Variants in FGF13 observed in about 807,000 individuals in gnomAD.
The protein encoded by FGF13 is fibroblast growth factor homologous factor 2.
In FGF13, 2 loss-of-function variants were observed where a neutral mutation model predicts 19.5. The observed-to-expected ratio is 0.10, with a 90% CI of 0.04 to 0.32. The LOEUF is 0.32. Among genes scored for constraint, FGF13 ranks in the 10% least tolerant of loss-of-function variants. The probability of loss-of-function intolerance (pLI) is 1.00; values close to 1 mark genes in which losing one functional copy is unlikely to be tolerated. For missense variants in FGF13, 113 were observed against 192.7 expected, an observed-to-expected ratio of 0.59 and a Z score of 2.45; for synonymous variants, 72 against 76.9, an observed-to-expected ratio of 0.94 and a Z score of 0.33.
intron 1 of FGF13, among the ~76,000 whole-genome samples, chrX:139,178,458 T>C (rs2084210882): frequency 8.9e-6 from 1 of 112,104 alleles, no homozygotes; most frequent in Non-Finnish European, 1.9e-5. Context: ...TCAGAGAAAA[T>C]GCTGCCAAGT....
rs1165895699 is a variant in FGF13 at position 138,620,944 on chromosome X, T to G, written c.*11906A>C. On this transcript the variant is annotated 3_prime_UTR_variant, in exon 5 of 5. Transcript: ENST00000315930. The stretch of plus-strand genomic sequence containing the variant: ...TTCATCAACAAGATGCAATTTTGAA[T>G]ATATACACACCCAACATTGGATCAC... 1.8e-5 allele frequency: 2 copies of G among 111,954 alleles called. No individual in the cohort carries two copies. The highest frequency in any genetic ancestry group is 3.8e-5 in the Non-Finnish European group (2 of 53,154). The allele number at this position is 111,954 out of a possible 1,213,427, so 9.2% of individuals were successfully genotyped here. A position where few individuals can be genotyped will look rare whatever the true frequency, so the allele number is the denominator to read the frequency against.
At chrX:138,793,166 C>A (rs900534651) in intron 3 of FGF13, among the ~76,000 whole-genome samples, 1 of 111,273 alleles carries the variant, frequency 9.0e-6, no homozygotes, top group African/African-American at 3.3e-5. Context: ...GAAACGAATT[C>A]TCCTCTAGAC....
intron 3 of FGF13, among the ~76,000 whole-genome samples, chrX:138,700,767 T>C (rs1003590967): frequency 5.4e-5 from 6 of 112,028 alleles, no homozygotes; most frequent in South Asian, 7.4e-4. Context: ...TTTTCTCTAA[T>C]AGAAACACTT....
intron 1 of FGF13, among the ~76,000 whole-genome samples, chrX:138,965,039 T>C (rs1025842965): frequency 8.9e-6 from 1 of 112,163 alleles, no homozygotes; most frequent in Non-Finnish European, 1.9e-5. Flanking sequence ...GCCAGCCAGC[T>C]GTTCCATACA....
chrX:138,632,904 A>G lies in FGF13; in HGVS notation c.684T>C (p.Ser228=), dbSNP rs1282353501. ...TGCCTCCGTTCAGCACGCCAGAGAC[A>G]CTTCTGCTCTTGGTTGGGGTCCCGC... ...SGSGTPTKSR[S]VSGVLNGGKS... Residue 228 remains serine, a synonymous_variant, in exon 5 of 5, where the codon AGT becomes AGC. Coordinates refer to ENST00000315930, the MANE Select transcript of FGF13 (RefSeq NM_004114.5). 23 of 1,210,461 alleles carry G rather than the reference A, an allele frequency of 1.9e-5. No individual in the cohort carries two copies. Among genetic ancestry groups the G allele is most frequent in the Non-Finnish European group, 2.6e-5 (23 of 894,961 alleles).
At chrX:138,982,903 T>C (rs913292647) in intron 1 of FGF13, among the ~76,000 whole-genome samples, 5 of 112,537 alleles carry the variant, frequency 4.4e-5, no homozygotes, top group Non-Finnish European at 3.8e-5. Context: ...TGGCCATTCG[T>C]ATGTCTTTTT....
intron 1 of FGF13, among the ~76,000 whole-genome samples, chrX:139,186,269 G>C (rs2084282827): frequency 8.9e-6 from 1 of 111,781 alleles, no homozygotes; most frequent in Non-Finnish European, 1.9e-5. Context: ...GTAAGTGCTA[G>C]AGATGGGACT....
At chrX:139,115,324 G>A (rs1569454578) in intron 1 of FGF13, among the ~76,000 whole-genome samples, 1 of 112,033 alleles carries the variant, frequency 8.9e-6, no homozygotes. Flanking sequence ...CTACATATCT[G>A]GCTAACAGAT....
intron 1 of FGF13, among the ~76,000 whole-genome samples, chrX:139,177,309 G>A (rs2084196227): frequency 1.1e-5 from 1 of 88,877 alleles, no homozygotes; most frequent in Non-Finnish European, 2.1e-5. Flanking sequence ...TTGAGCCTCT[G>A]TGTGTCTTTG....
At chrX:138,855,229 T>A (rs1359227749), downstream of FGF13, among the ~76,000 whole-genome samples, 1 of 111,548 alleles carries the variant, frequency 9.0e-6, no homozygotes, top group African/African-American at 3.3e-5. Context: ...GTTAAGTTCT[T>A]GGCAATGTTT....
downstream of FGF13, among the ~76,000 whole-genome samples, chrX:138,854,376 G>A (rs1306799616): frequency 9.0e-6 from 1 of 111,724 alleles, no homozygotes; most frequent in African/African-American, 3.2e-5. Context: ...AAGCCAGTGA[G>A]ATATTTCAGT....
intron 1 of FGF13, among the ~76,000 whole-genome samples, chrX:138,962,986 A>C (rs1451931306): frequency 9.0e-6 from 1 of 111,432 alleles, no homozygotes; most frequent in Non-Finnish European, 1.9e-5. Context: ...CAAGAACTTA[A>C]AGTATAATAA....
intron 3 of FGF13, among the ~76,000 whole-genome samples, chrX:138,654,311 T>C (rs1274359517): frequency 8.9e-6 from 1 of 112,478 alleles, no homozygotes; most frequent in Non-Finnish European, 1.9e-5. Context: ...ATAAAACAAT[T>C]ACTTCGTGCC....
At chrX:138,935,884 T>G (rs1267720043) in intron 1 of FGF13, among the ~76,000 whole-genome samples, 1 of 112,579 alleles carries the variant, frequency 8.9e-6, no homozygotes, top group Non-Finnish European at 1.9e-5. Context: ...GTATGTGTTT[T>G]ATTTTGATGT....
intron 1 of FGF13, among the ~76,000 whole-genome samples, chrX:138,912,720 C>T (rs1206314486): frequency 2.7e-5 from 3 of 111,680 alleles, no homozygotes; most frequent in Non-Finnish European, 5.6e-5. Context: ...CTATGATTAA[C>T]ATCATGGATT....
intron 1 of FGF13, among the ~76,000 whole-genome samples, chrX:139,100,268 A>T (rs1439762316): frequency 5.4e-5 from 6 of 111,051 alleles, no homozygotes; most frequent in Non-Finnish European, 1.1e-4. Context: ...ACACGAGCAG[A>T]TTAAGGAGGC....
intron 1 of FGF13, among the ~76,000 whole-genome samples, chrX:138,885,209 A>T (rs369917226): frequency 1.1e-4 from 12 of 111,276 alleles, no homozygotes; most frequent in African/African-American, 3.9e-4. Flanking sequence ...GGAACTAAAA[A>T]AGCAAGGCTG....
intron 3 of FGF13, among the ~76,000 whole-genome samples, chrX:138,762,512 A>G (rs1167912191): frequency 1.8e-5 from 2 of 111,954 alleles, no homozygotes; most frequent in Admixed American, 1.9e-4. Flanking sequence ...ATCTTTCTTC[A>G]AATTTATTAT....
intron 3 of FGF13, among the ~76,000 whole-genome samples, chrX:138,698,284 T>C (rs73241065): frequency 0.033 from 3,580 of 109,414 alleles, 67 homozygotes; most frequent in South Asian, 0.057. Flanking sequence ...AGGGAGAAAA[T>C]AAATGGCAAA....
Sources: allele counts gnomAD v4.1 joint callset (sites outside exome capture counted in the v4.1 genomes callset), GRCh38; gene constraint gnomAD v4.1.1; transcripts MANE v1.5; gene names NCBI Gene and HGNC (gene_info 2026-07-23, HGNC 2026-07-21).